Variants in KCNN3 observed in about 807,000 individuals in gnomAD.
The protein encoded by KCNN3 is potassium calcium-activated channel subfamily N member 3, also known as small conductance calcium-activated potassium channel protein 3.
In KCNN3, 16 loss-of-function variants were observed where a neutral mutation model predicts 62.9. The ratio of observed to expected loss-of-function variants is 0.25; its 90% confidence interval spans 0.17 to 0.39. KCNN3 has a LOEUF of 0.39. Among genes scored for constraint, KCNN3 ranks in the 10% least tolerant of loss-of-function variants. The pLI, the probability that KCNN3 is intolerant of heterozygous loss-of-function variation, is 1.00. For synonymous variants in KCNN3, 370 were observed against 389.2 expected (o/e 0.95, Z 0.58); for missense variants, 599 against 949.4 (o/e 0.63, Z 4.85).
At chr1:154,850,552 GC>G (rs1652261366) in intron 1 of KCNN3, among the ~76,000 whole-genome samples, 1 of 152,218 alleles carries the variant, frequency 6.6e-6, no homozygotes, top group South Asian at 2.1e-4. Flanking sequence ...GTCCGTGAGA[GC>G]CCTGGGCCCT....
intron 3 of KCNN3, among the ~76,000 whole-genome samples, chr1:154,758,391 A>G (rs1212189955): frequency 6.6e-6 from 1 of 152,160 alleles, no homozygotes; most frequent in East Asian, 1.9e-4. Context: ...CATGTTTAAG[A>G]TATTTAAAAG....
At chr1:154,738,566 A>AG (rs1311463637) in intron 3 of KCNN3, among the ~76,000 whole-genome samples, 1 of 152,120 alleles carries the variant, frequency 6.6e-6, no homozygotes, top group Non-Finnish European at 1.5e-5. Flanking sequence ...TAACGAGCTC[A>AG]GGGTGATGCT....
At chr1:154,773,115 A>G (rs552639895) in intron 2 of KCNN3, among the ~76,000 whole-genome samples, 1 of 152,266 alleles carries the variant, frequency 6.6e-6, no homozygotes, top group African/African-American at 2.4e-5. Flanking sequence ...TCACCCAGGT[A>G]CTATTGGGTA....
intron 2 of KCNN3, among the ~76,000 whole-genome samples, chr1:154,812,119 A>G (rs1043716489): frequency 2.0e-5 from 3 of 152,312 alleles, no homozygotes; most frequent in Admixed American, 1.3e-4. Context: ...TCTGAGGCAC[A>G]CCCCTGATTG....
rs1442362005 is a variant in KCNN3 at position 154,862,737 on chromosome 1, C to T, written c.933+6295G>A. On this transcript the variant is annotated intron_variant, in intron 1 of 7. Transcript: ENST00000271915. The surrounding 1 kb of genome is among the most constrained non-coding windows in gnomAD (Gnocchi z 4.1). ...GCCCACACTTGCCCTGGCCACCCCTCCAGCACTGTCTTCTCCAGGACCTGC... is the reference window on the plus strand; with the variant it reads ...GCCCACACTTGCCCTGGCCACCCCTTCAGCACTGTCTTCTCCAGGACCTGC... 6.6e-6 allele frequency among the ~76,000 whole-genome samples: 1 copy of T among 152,114 alleles called. No individual in the cohort carries two copies. Among genetic ancestry groups the T allele is most frequent in the East Asian group, 1.9e-4 (1 of 5,192 alleles).
At position 154,851,304 on chromosome 1, in the gene KCNN3, C is replaced by A. The variant is rs182281532; in HGVS notation, c.933+17728G>T. Among the ~76,000 whole-genome samples the A allele has an allele frequency of 3.3e-3, 499 of 152,236 alleles. 1 individual carries two copies. The highest frequency in any genetic ancestry group is 4.6e-3 in the Non-Finnish European group (316 of 68,014). ...ATTTTTTTTAACGTTGCCAGCCATGCCTCGAACAGACCTCTGGAAGGTGAG... is the reference window on the plus strand; with the variant it reads ...ATTTTTTTTAACGTTGCCAGCCATGACTCGAACAGACCTCTGGAAGGTGAG... On this transcript the variant is annotated intron_variant, in intron 1 of 7. Coordinates refer to ENST00000271915, the MANE Select transcript of KCNN3 (RefSeq NM_002249.6).
At chr1:154,833,974 C>A (rs1308044362) in intron 1 of KCNN3, among the ~76,000 whole-genome samples, 2 of 152,192 alleles carry the variant, frequency 1.3e-5, no homozygotes, top group African/African-American at 4.8e-5. Flanking sequence ...CATCTCAGTG[C>A]GGCATAAGAA....
chr1:154,868,092 C>G (rs1427921216), intron 1 of KCNN3: 2 of 985,538 alleles, frequency 2.0e-6, no homozygotes, highest in Non-Finnish European at 2.4e-6. Flanking sequence ...CACACACACT[C>G]ATCTTTATTT....
rs763573215 is a variant in KCNN3 at position 154,771,992 on chromosome 1, G to A, written c.1431C>T (p.Thr477=). The change falls in exon 3 of 8, where the codon ACC becomes ACT. Residue 477 remains threonine, a synonymous_variant. Coordinates refer to ENST00000271915, the MANE Select transcript of KCNN3 (RefSeq NM_002249.6). ...TGGAATACCTTTCACAGACACGGAC[G>A]GTCCAGGCAGCAATGATCCACAGAG... is the stretch of plus-strand genomic sequence containing the variant. ...SISLWIIAAW[T]VRVCERYHDQ... is the part of the protein sequence containing the mutation. 8.7e-6 allele frequency: 14 copies of A among 1,613,978 alleles called. No homozygotes were observed. Among genetic ancestry groups the A allele is most frequent in the Middle Eastern group, 1.6e-4 (1 of 6,084 alleles).
chr1:154,858,451 G>C (rs959366535), intron 1 of KCNN3, among the ~76,000 whole-genome samples: 1 of 152,216 alleles, frequency 6.6e-6, no homozygotes, highest in Non-Finnish European at 1.5e-5. Flanking sequence ...AAATAGCCAG[G>C]ATTTGAATCC....
chr1:154,726,721 C>T (rs77994054), intron 4 of KCNN3, among the ~76,000 whole-genome samples: 2,034 of 152,270 alleles, frequency 0.013, 17 homozygotes, highest in Middle Eastern at 0.037. Context: ...ATGAATTCAC[C>T]GTCATGCAGA....
chr1:154,809,662 A>G lies in KCNN3; in HGVS notation c.1029+12427T>C, dbSNP rs1650319378. ...AATACATGTTGCTGAGTGAGATGCTAAAAGGCCTGGACAGACTAGAATGAA... is the reference window on the plus strand; with the variant it reads ...AATACATGTTGCTGAGTGAGATGCTGAAAGGCCTGGACAGACTAGAATGAA... On this transcript the variant is annotated intron_variant, in intron 2 of 7. Coordinates refer to ENST00000271915, the MANE Select transcript of KCNN3 (RefSeq NM_002249.6). This position sits in a 1 kb window ranked among gnomAD's most constrained non-coding sequence, Gnocchi z 4.3. Among the ~76,000 whole-genome samples, 1 of 152,196 alleles carries G rather than the reference A, an allele frequency of 6.6e-6. No individual in the cohort carries two copies. Among genetic ancestry groups the G allele is most frequent in the Non-Finnish European group, 1.5e-5 (1 of 68,032 alleles).
chr1:154,848,247 C>T (rs554632989), intron 1 of KCNN3, among the ~76,000 whole-genome samples: 235 of 152,190 alleles, frequency 1.5e-3, no homozygotes, highest in Non-Finnish European at 2.5e-3. Context: ...GAGTGGGCCA[C>T]GACAGTCACT....
intron 5 of KCNN3, among the ~76,000 whole-genome samples, chr1:154,725,106 G>C (rs905234437): frequency 6.6e-6 from 1 of 152,056 alleles, no homozygotes; most frequent in Non-Finnish European, 1.5e-5. Context: ...CGCCCGCCTC[G>C]GCCTCCCAAA....
chr1:154,776,976 A>G (rs984630464), intron 2 of KCNN3, among the ~76,000 whole-genome samples: 1 of 152,212 alleles, frequency 6.6e-6, no homozygotes, highest in African/African-American at 2.4e-5. Flanking sequence ...CAAAGAGACA[A>G]GCGCTGTGTC....
intron 3 of KCNN3, among the ~76,000 whole-genome samples, chr1:154,741,759 C>T (rs956885098): frequency 2.1e-4 from 31 of 150,734 alleles, no homozygotes; most frequent in East Asian, 3.9e-4. Flanking sequence ...CATGATATGA[C>T]GGCTCTAGCC....
intron 1 of KCNN3, among the ~76,000 whole-genome samples, chr1:154,849,471 G>A (rs1276692359): frequency 2.0e-5 from 3 of 152,244 alleles, no homozygotes; most frequent in South Asian, 4.1e-4. Flanking sequence ...CTTCCCATCC[G>A]GGTTCCCACT....
intron 1 of KCNN3, among the ~76,000 whole-genome samples, chr1:154,836,909 G>A (rs1553238802): frequency 6.6e-6 from 1 of 152,160 alleles, no homozygotes; most frequent in Non-Finnish European, 1.5e-5. Context: ...ATAAATACTT[G>A]ATGAATGAAT....
intron 2 of KCNN3, 59 bp downstream of exon 2, chr1:154,822,030 G>T: frequency 7.4e-7 from 1 of 1,344,240 alleles, no homozygotes; most frequent in Non-Finnish European, 1.1e-6. Flanking sequence ...GATGGGCTCG[G>T]CTCAGAGCAA....
Sources: gnomAD v4.1 joint callset for allele counts (sites outside exome capture counted in the v4.1 genomes callset) on GRCh38, gnomAD v4.1.1 for gene constraint, Gnocchi (gnomAD v3.1) non-coding constraint, MANE v1.5 for transcripts, NCBI Gene and HGNC (gene_info 2026-07-23, HGNC 2026-07-21) for gene names.